VTI1A: variants seen among roughly 807,000 people sequenced by gnomAD.
VTI1A encodes the protein vesicle transport through interaction with t-SNAREs 1A.
In VTI1A, 22 loss-of-function variants were observed where a neutral mutation model predicts 34.9. That is an observed-to-expected ratio of 0.63 (90% CI 0.45 to 0.90). VTI1A has a LOEUF of 0.90. VTI1A is among the 40% of genes least tolerant of loss of function. VTI1A has a pLI of 0.00. For synonymous variants in VTI1A, 87 were observed against 97.3 expected (o/e 0.89, Z 0.62); for missense variants, 268 against 275.6 (o/e 0.97, Z 0.20).
chr10:112,476,315 G>A (rs1031004765), intron 3 of VTI1A, among the ~76,000 whole-genome samples: 5 of 152,120 alleles, frequency 3.3e-5, no homozygotes, highest in Middle Eastern at 3.2e-3. Context: ...TGGAATCTCC[G>A]TTTAATTTCC....
At chr10:112,596,518 G>A (rs1844654385) in intron 5 of VTI1A, among the ~76,000 whole-genome samples, 1 of 152,042 alleles carries the variant, frequency 6.6e-6, no homozygotes, top group Admixed American at 6.6e-5. Flanking sequence ...GTTATTCATA[G>A]TTCTTTACAT....
chr10:112,552,660 T>G (rs1476126302), intron 5 of VTI1A, among the ~76,000 whole-genome samples: 2 of 151,968 alleles, frequency 1.3e-5, no homozygotes, highest in Non-Finnish European at 2.9e-5. Flanking sequence ...ATGGACCAAG[T>G]ATCTTATTGC....
intron 3 of VTI1A, among the ~76,000 whole-genome samples, chr10:112,497,543 A>G (rs1246626323): frequency 6.6e-6 from 1 of 152,204 alleles, no homozygotes; most frequent in Non-Finnish European, 1.5e-5. Context: ...TCTTAGAATA[A>G]TGCCTGATCC....
intron 7 of VTI1A, among the ~76,000 whole-genome samples, chr10:112,687,660 A>AC (rs1848465795): frequency 6.6e-6 from 1 of 151,902 alleles, no homozygotes; most frequent in South Asian, 2.1e-4. Context: ...TCAGAATGAA[A>AC]CCCATCTCTG....
intron 3 of VTI1A, among the ~76,000 whole-genome samples, chr10:112,479,561 A>G (rs954511749): frequency 3.9e-5 from 6 of 152,196 alleles, no homozygotes; most frequent in African/African-American, 1.2e-4. Context: ...CCATGCCCAG[A>G]CAGATTTTCA....
chr10:112,773,335 A>T (rs899845068), intron 7 of VTI1A, among the ~76,000 whole-genome samples: 3 of 152,202 alleles, frequency 2.0e-5, no homozygotes, highest in Non-Finnish European at 4.4e-5. Context: ...CACACAAAGC[A>T]TGCATGTTCA....
chr10:112,631,817 G>A (rs1846141143), intron 5 of VTI1A, among the ~76,000 whole-genome samples: 1 of 152,128 alleles, frequency 6.6e-6, no homozygotes, highest in Admixed American at 6.5e-5. Context: ...CTTGTTTGTC[G>A]TGACTCATAA....
At chr10:112,852,430 C>A in the VTI1A span, among the ~76,000 whole-genome samples, 3 of 152,222 alleles carry the variant, frequency 2.0e-5, no homozygotes, top group Non-Finnish European at 4.4e-5. Flanking sequence ...TCCCAATTCT[C>A]TGCCTTCTTT....
At chr10:112,597,850 A>C (rs1285526098) in intron 5 of VTI1A, among the ~76,000 whole-genome samples, 2 of 151,268 alleles carry the variant, frequency 1.3e-5, no homozygotes, top group Non-Finnish European at 2.9e-5. Flanking sequence ...GGCGCCCGCC[A>C]CCACGCCCGG....
chr10:112,760,986 G>A (rs1345941852), intron 7 of VTI1A, among the ~76,000 whole-genome samples: 1 of 151,852 alleles, frequency 6.6e-6, no homozygotes, highest in Non-Finnish European at 1.5e-5. Context: ...TGCAGAAATC[G>A]GACATAGAAC....
chr10:112,504,948 G>C (rs939968950), intron 3 of VTI1A, among the ~76,000 whole-genome samples: 1 of 151,296 alleles, frequency 6.6e-6, no homozygotes, highest in Non-Finnish European at 1.5e-5. Flanking sequence ...TGGTGGGGGG[G>C]TGTGTGGGGA....
At chr10:112,822,601 T>C (rs1310390499), downstream of VTI1A, among the ~76,000 whole-genome samples, 1 of 152,160 alleles carries the variant, frequency 6.6e-6, no homozygotes, top group Non-Finnish European at 1.5e-5. Context: ...TCCAGGGGTC[T>C]TGGCACAGAG....
chr10:112,531,311 G>C (rs781772019), intron 4 of VTI1A, among the ~76,000 whole-genome samples: 3 of 152,170 alleles, frequency 2.0e-5, no homozygotes, highest in Non-Finnish European at 2.9e-5. Flanking sequence ...AAAAGATGTT[G>C]ATTATCATAA....
At position 112,460,547 on chromosome 10, in the gene VTI1A, A is replaced by G. The variant is rs200105494; in HGVS notation, c.118A>G (p.Asn40Asp). ...PPDEKKQMVANVEKQLEEAKE... is the reference protein window; with the variant it reads ...PPDEKKQMVADVEKQLEEAKE... ...AGATGAAAAGAAACAGATGGTTGCA[A>G]ATGTGGAGAAACAGCTTGAAGAAGC... The change falls in exon 2 of 8, where the codon AAT becomes GAT. Residue 40 changes from asparagine to aspartate, a missense_variant. Physicochemically the swap from Asn to Asp is conservative, Grantham distance 23. Coordinates refer to ENST00000393077, the MANE Select transcript of VTI1A (RefSeq NM_145206.4). 17 of 1,609,832 alleles carry G rather than the reference A, an allele frequency of 1.1e-5. No individual in the cohort carries two copies. In the East Asian group the frequency reaches 3.6e-4, roughly 34 times the overall value.
chr10:112,737,949 C>T lies in VTI1A; in HGVS notation c.560+68951C>T, dbSNP rs577157471. 1.0e-5 allele frequency: 10 copies of T among 969,296 alleles called. No homozygotes were observed. In the East Asian group the frequency reaches 8.0e-4, roughly 78 times the overall value. 60.0% of individuals were successfully genotyped at this position (969,296 alleles called of 1,614,324 possible). ...TATGTCCCCTCTAGGCACATTTAGGCGGGGATGCTTAGGGCCTCCTGCAAG... is the reference window on the plus strand; with the variant it reads ...TATGTCCCCTCTAGGCACATTTAGGTGGGGATGCTTAGGGCCTCCTGCAAG... On this transcript the variant is annotated intron_variant, in intron 7 of 7. Coordinates refer to ENST00000393077, the MANE Select transcript of VTI1A (RefSeq NM_145206.4).
chr10:112,669,709 C>T (rs1383873862), intron 7 of VTI1A, among the ~76,000 whole-genome samples: 36 of 151,924 alleles, frequency 2.4e-4, no homozygotes, highest in Admixed American at 2.3e-3. Context: ...GAAAAGTGAA[C>T]GAGAAACATT....
At chr10:112,628,116 A>G (rs1385840412) in intron 5 of VTI1A, among the ~76,000 whole-genome samples, 1 of 152,184 alleles carries the variant, frequency 6.6e-6, no homozygotes, top group East Asian at 1.9e-4. Context: ...AGCCAACTCT[A>G]ATTTATGTAC....
At chr10:112,737,862 A>G in intron 7 of VTI1A, 6 of 1,061,178 alleles carry the variant, frequency 5.7e-6, no homozygotes, top group Non-Finnish European at 6.8e-6. Context: ...CGTTGGTTTG[A>G]TAGCTGAGCC....
At chr10:112,750,844 C>T (rs1293369246) in intron 7 of VTI1A, among the ~76,000 whole-genome samples, 1 of 152,104 alleles carries the variant, frequency 6.6e-6, no homozygotes, top group Non-Finnish European at 1.5e-5. Flanking sequence ...AGATATTGTG[C>T]AATAGAATAA....
Sources: gnomAD v4.1 joint callset for allele counts (sites outside exome capture counted in the v4.1 genomes callset) on GRCh38, gnomAD v4.1.1 for gene constraint, MANE v1.5 for transcripts, NCBI Gene and HGNC (gene_info 2026-07-23, HGNC 2026-07-21) for gene names.